HIVEP1: variants seen among roughly 807,000 people sequenced by gnomAD.
HIVEP1 encodes the protein zinc finger protein 40.
Under a neutral mutation model 180.0 loss-of-function variants are expected in HIVEP1, and 36 were observed. The ratio of observed to expected loss-of-function variants is 0.20; its 90% CI spans 0.15 to 0.26. The LOEUF (loss-of-function observed/expected upper bound fraction) is 0.26, where lower values mean the gene tolerates loss of function less well. HIVEP1 is among the 10% of genes least tolerant of loss of function. HIVEP1 has a pLI of 1.00. For missense variants in HIVEP1, 3,143 were observed against 3,268.7 expected (o/e 0.96, Z 0.94); for synonymous variants, 1,239 against 1,239.0 (o/e 1.00, Z 0.00).
rs573662951 is a variant in HIVEP1, at chr6:12,018,288, C to T, written c.40+2620C>T. 8.5e-5 allele frequency among the ~76,000 whole-genome samples: 13 copies of T among 152,340 alleles called. No individual in the cohort carries two copies. The South Asian group carries it at 2.5e-3, about 29-fold the overall frequency. Reference sequence around the variant, plus strand: ...TTCTTCCTCCACACCTCCCTGCAAGCTGAGGGAGCCGGCTCTGGCCTGGGC... The same window carrying T: ...TTCTTCCTCCACACCTCCCTGCAAGTTGAGGGAGCCGGCTCTGGCCTGGGC... On this transcript the variant is annotated intron_variant, in intron 2 of 8. Coordinates refer to ENST00000379388, the MANE Select transcript of HIVEP1 (RefSeq NM_002114.4).
At chr6:12,108,097 T>G (rs968128972) in intron 3 of HIVEP1, among the ~76,000 whole-genome samples, 4 of 150,880 alleles carry the variant, frequency 2.7e-5, no homozygotes, top group Non-Finnish European at 1.5e-5. Context: ...ATTGGTATAT[T>G]TACAATCCCT....
chr6:12,201,376 C>G, the HIVEP1 span, among the ~76,000 whole-genome samples: 1 of 152,136 alleles, frequency 6.6e-6, no homozygotes, highest in African/African-American at 2.4e-5. Context: ...ACTTGGGAGG[C>G]TGAGGTGAGA....
chr6:12,161,974 C>T (rs766752369), intron 8 of HIVEP1, 45 bp downstream of exon 8: 2 of 1,527,370 alleles, frequency 1.3e-6, no homozygotes, highest in Admixed American at 3.9e-5. Context: ...TTCGTTTTAA[C>T]CTATTAAATA....
chr6:12,026,196 A>G (rs1422371963), intron 2 of HIVEP1, among the ~76,000 whole-genome samples: 1 of 152,222 alleles, frequency 6.6e-6, no homozygotes, highest in Non-Finnish European at 1.5e-5. Flanking sequence ...ACAGGAAAAT[A>G]AAAGATCTAA....
At chr6:12,086,898 ACTTT>A (rs1246088163) in intron 2 of HIVEP1, among the ~76,000 whole-genome samples, 1 of 152,134 alleles carries the variant, frequency 6.6e-6, no homozygotes, top group Non-Finnish European at 1.5e-5. Context: ...GTAAATGACT[ACTTT>A]CTTTGTAATT....
At chr6:12,149,294 A>T (rs992535479) in intron 7 of HIVEP1, among the ~76,000 whole-genome samples, 6 of 152,198 alleles carry the variant, frequency 3.9e-5, no homozygotes, top group African/African-American at 1.4e-4. Flanking sequence ...GGGAGACCTG[A>T]TTGTAAATCT....
rs191832080 is a variant in HIVEP1 at position 12,015,096 on chromosome 6, G to A, written c.-103-430G>A. ...GTGTGGTCCTACCATGAACCTAGAG[G>A]TCTGGAATAACTGGAGTAGCCACAG... On this transcript the variant is annotated intron_variant, in intron 1 of 8. Coordinates refer to ENST00000379388, the MANE Select transcript of HIVEP1 (RefSeq NM_002114.4). 2.7e-3 allele frequency among the ~76,000 whole-genome samples: 413 copies of A among 152,324 alleles called. 3 individuals carry two copies. Among genetic ancestry groups the A allele is most frequent in the Non-Finnish European group, 2.7e-3 (185 of 68,034 alleles).
At chr6:12,112,684 T>C (rs1774975591) in intron 3 of HIVEP1, among the ~76,000 whole-genome samples, 2 of 152,038 alleles carry the variant, frequency 1.3e-5, no homozygotes, top group Non-Finnish European at 2.9e-5. Flanking sequence ...GCCCACCTCC[T>C]CACCGCCCCC....
downstream of HIVEP1, among the ~76,000 whole-genome samples, chr6:12,167,223 T>TA (rs1760727549): frequency 1.3e-5 from 2 of 152,062 alleles, no homozygotes; most frequent in African/African-American, 4.8e-5. Context: ...TAGCAGTTAA[T>TA]AAGGATTATG....
At chr6:12,152,231 A>G (rs1254849414) in intron 7 of HIVEP1, among the ~76,000 whole-genome samples, 2 of 152,232 alleles carry the variant, frequency 1.3e-5, no homozygotes, top group Non-Finnish European at 2.9e-5. Context: ...TGTTACATTA[A>G]GTAACATGCA....
intron 6 of HIVEP1, among the ~76,000 whole-genome samples, chr6:12,131,846 A>G (rs1758439659): frequency 6.8e-6 from 1 of 147,372 alleles, no homozygotes; most frequent in Non-Finnish European, 1.5e-5. Context: ...TTATCCTTTG[A>G]GTTAACATTT....
At chr6:12,185,776 A>G in the HIVEP1 span, among the ~76,000 whole-genome samples, 1 of 152,238 alleles carries the variant, frequency 6.6e-6, no homozygotes, top group African/African-American at 2.4e-5. Flanking sequence ...AGTGGCTGTA[A>G]TAAGAAACAA....
chr6:12,112,341 C>T (rs1774950670), intron 3 of HIVEP1, among the ~76,000 whole-genome samples: 1 of 151,964 alleles, frequency 6.6e-6, no homozygotes, highest in Non-Finnish European at 1.5e-5. Context: ...TGGTTTTCAG[C>T]AGTTTGAATA....
rs1046448606 is a variant in HIVEP1, at chr6:12,046,074, G to A, written c.40+30406G>A. 5.9e-5 allele frequency among the ~76,000 whole-genome samples: 9 copies of A among 152,158 alleles called. No homozygotes were observed. The East Asian group carries it at 9.6e-4, about 16-fold the overall frequency. On this transcript the variant is annotated intron_variant, in intron 2 of 8. Coordinates refer to ENST00000379388, the MANE Select transcript of HIVEP1 (RefSeq NM_002114.4). ...ATTTAAATCACCCACAATTCACTGG[G>A]AGAAATTTTTAAATAATTTTAGCAA...
At chr6:12,153,246 A>G (rs1759811649) in intron 7 of HIVEP1, among the ~76,000 whole-genome samples, 1 of 152,206 alleles carries the variant, frequency 6.6e-6, no homozygotes, top group Non-Finnish European at 1.5e-5. Flanking sequence ...ACTATAATTC[A>G]TTGTTGACCT....
At chr6:12,009,355 G>T (rs1240785964), upstream of HIVEP1, among the ~76,000 whole-genome samples, 1 of 152,178 alleles carries the variant, frequency 6.6e-6, no homozygotes, top group African/African-American at 2.4e-5. Flanking sequence ...CGTGTGTTGA[G>T]CTTTTCAGTG....
At chr6:12,204,528 A>C in the HIVEP1 span, among the ~76,000 whole-genome samples, 3 of 152,254 alleles carry the variant, frequency 2.0e-5, no homozygotes, top group Admixed American at 2.0e-4. Flanking sequence ...CCCGACTAAG[A>C]ACCTTTGGTT....
At chr6:12,047,561 C>T (rs989284109) in intron 2 of HIVEP1, among the ~76,000 whole-genome samples, 1 of 152,250 alleles carries the variant, frequency 6.6e-6, no homozygotes, top group African/African-American at 2.4e-5. Context: ...GCGGGTCTCA[C>T]AGCCACTGGA....
At chr6:12,032,908 A>T (rs1769044656) in intron 2 of HIVEP1, among the ~76,000 whole-genome samples, 1 of 152,238 alleles carries the variant, frequency 6.6e-6, no homozygotes, top group Admixed American at 6.5e-5. Context: ...CTTCCCAGAT[A>T]TCCAAAATTT....
Sources: gnomAD v4.1 joint callset for allele counts (sites outside exome capture counted in the v4.1 genomes callset) on GRCh38, gnomAD v4.1.1 for gene constraint, MANE v1.5 for transcripts, NCBI Gene and HGNC (gene_info 2026-07-23, HGNC 2026-07-21) for gene names.